UTP20: variants seen among roughly 807,000 people sequenced by gnomAD.
The protein encoded by UTP20 is UTP20 small subunit processome component, also known as small subunit processome component 20 homolog.
UTP20 carries 164 observed loss-of-function variants against 329.5 expected under a neutral mutation model. The observed-to-expected ratio is 0.50, with a 90% CI of 0.44 to 0.57. The LOEUF (loss-of-function observed/expected upper bound fraction) is 0.57, where lower values mean the gene tolerates loss of function less well. UTP20 is among the 20% of genes least tolerant of loss of function. The probability of loss-of-function intolerance (pLI) is 0.00; values close to 1 mark genes in which losing one functional copy is unlikely to be tolerated. For synonymous variants in UTP20, 1,151 were observed against 1,159.3 expected (o/e 0.99, Z 0.14); for missense variants, 3,055 against 3,284.2 (o/e 0.93, Z 1.71).
At chr12:101,340,733 C>T (rs1472389738) in intron 32 of UTP20, 123 bp downstream of exon 32, 3 of 640,952 alleles carry the variant, frequency 4.7e-6, no homozygotes, top group East Asian at 6.0e-5. Flanking sequence ...ACTTAAAATA[C>T]TTTATATAGA....
At chr12:101,376,451 C>G (rs1336058044) in intron 56 of UTP20, among the ~76,000 whole-genome samples, 2 of 152,068 alleles carry the variant, frequency 1.3e-5, no homozygotes, top group Non-Finnish European at 2.9e-5. Flanking sequence ...CTATTACACC[C>G]CTAGACTATA....
chr12:101,382,952 G>A (rs1033182637), intron 58 of UTP20, 89 bp from the exon 59 acceptor site: 13 of 1,458,670 alleles, frequency 8.9e-6, no homozygotes, highest in Non-Finnish European at 1.2e-5. Context: ...TCTAATTGTA[G>A]AATACCTATT....
Position 101,386,099 on chromosome 12 carries a change from G to A in UTP20, c.8334G>A (p.Leu2778=), listed in dbSNP as rs149045326. The change falls in exon 62 of 62, where the codon CTG becomes CTA. Residue 2778 remains leucine, a synonymous_variant. Coordinates refer to ENST00000261637, the MANE Select transcript of UTP20 (RefSeq NM_014503.3). ...CCAAGAGACAAAAAAGCCATAGCCT[G>A]AAAGATTTAGCAATGGTGGAGTAAT... ...YKAKRQKSHS[L]KDLAMVE 8 of 1,606,646 alleles carry A rather than the reference G, an allele frequency of 5.0e-6. No homozygotes were observed. In the African/African-American group the frequency reaches 9.4e-5, roughly 19 times the overall value.
In UTP20 at chr12:101,355,066, G is replaced by A. The variant is rs781431203; in HGVS notation, c.5342G>A (p.Gly1781Glu). The change falls in exon 41 of 62, where the codon GGA (glycine) becomes GAA (glutamate). Residue 1781 changes from glycine (G) to glutamate (E), a missense_variant. Physicochemically the swap from Gly to Glu is moderately conservative, Grantham distance 98. This residue lies in a region of UTP20 where 2,445 missense variants were observed against 2,575.5 expected (regional missense o/e 0.95). Coordinates refer to ENST00000261637, the MANE Select transcript of UTP20 (RefSeq NM_014503.3). ...GAGAGAACAATTAAAAATATCCAAGGAACCATAACCGGGGATATTCTCCCC... is the reference window on the plus strand; with the variant it reads ...GAGAGAACAATTAAAAATATCCAAGAAACCATAACCGGGGATATTCTCCCC... ...EIERTIKNIQ[G>E]TITGDILPRL... The A allele has an allele frequency of 6.2e-7, 1 of 1,613,908 alleles. No homozygotes were observed. Among genetic ancestry groups the A allele is most frequent in the Non-Finnish European group, 8.5e-7 (1 of 1,180,020 alleles).
At position 101,365,561 on chromosome 12, in the gene UTP20, T is replaced by C. The variant is rs1257644076; in HGVS notation, c.6061T>C (p.Ser2021Pro). 1 of 1,612,982 alleles carries C rather than the reference T, an allele frequency of 6.2e-7. No individual in the cohort carries two copies. The highest frequency in any genetic ancestry group is 1.3e-5 in the African/African-American group (1 of 74,846). The stretch of plus-strand genomic sequence containing the variant: ...TGTAAATCAGGAAATGACAGCTGAA[T>C]CCATTCTATTACTCAGTTATGGTTT... ...LIVNQEMTAE[S>P]ILLLSYGLIS... The change falls in exon 46 of 62, where the codon TCC becomes CCC. Residue 2021 changes from serine to proline, a missense_variant. Ser to Pro is a moderately conservative substitution (Grantham distance 74, BLOSUM62 -1). Around this residue, in one of 3 missense-constraint regions of UTP20, gnomAD observed 2,445 missense variants for 2,575.5 expected, o/e 0.95. Transcript: ENST00000261637.
At chr12:101,337,976 A>C in intron 29 of UTP20, 75 bp from the exon 30 acceptor site, 1 of 1,351,164 alleles carries the variant, frequency 7.4e-7, no homozygotes, top group Non-Finnish European at 1.0e-6. Context: ...ACTCATGGTG[A>C]AAATTCATAT....
At chr12:101,340,315 C>A (rs1346523794) in intron 31 of UTP20, among the ~76,000 whole-genome samples, 1 of 152,150 alleles carries the variant, frequency 6.6e-6, no homozygotes, top group Non-Finnish European at 1.5e-5. Context: ...AGAATAGTGG[C>A]CATGAGCTTG....
chr12:101,380,472 C>T (rs1206343854), intron 57 of UTP20, among the ~76,000 whole-genome samples: 2 of 152,094 alleles, frequency 1.3e-5, no homozygotes, highest in Non-Finnish European at 2.9e-5. Flanking sequence ...ATGTCTCACT[C>T]ATAGTGGAAC....
At chr12:101,312,629 G>A (rs1872832193) in intron 21 of UTP20, among the ~76,000 whole-genome samples, 1 of 152,102 alleles carries the variant, frequency 6.6e-6, no homozygotes. Flanking sequence ...TAGTACAGAC[G>A]GGGTTTCTCC....
chr12:101,298,298 C>T (rs1419316463), intron 12 of UTP20, among the ~76,000 whole-genome samples: 5 of 151,992 alleles, frequency 3.3e-5, no homozygotes, highest in Non-Finnish European at 5.9e-5. Context: ...GAAGACAAAG[C>T]AGTGTTGAGA....
chr12:101,378,761 C>T (rs1466602339), intron 56 of UTP20, among the ~76,000 whole-genome samples: 1 of 151,878 alleles, frequency 6.6e-6, no homozygotes, highest in Non-Finnish European at 1.5e-5. Flanking sequence ...GTTAATGTCA[C>T]CTTATCTCCC....
In UTP20 at chr12:101,344,750, G is replaced by A; in HGVS notation, c.4605G>A (p.Glu1535=). 1.2e-6 allele frequency: 2 copies of A among 1,612,662 alleles called. No homozygotes were observed. The highest frequency in any genetic ancestry group is 1.3e-5 in the African/African-American group (1 of 74,886). The change falls in exon 36 of 62, where the codon GAG becomes GAA. Residue 1535 remains glutamate, a splice_region_variant and synonymous_variant. Transcript: ENST00000261637. ...GAAAAGGTCTGAAGAGCCAGACAGAGGTATATAACTTTGTGTTTTAGGCAC... is the reference window on the plus strand; with the variant it reads ...GAAAAGGTCTGAAGAGCCAGACAGAAGTATATAACTTTGTGTTTTAGGCAC... ...KLRKGLKSQT[E]SIQQDYTTIL...
At chr12:101,305,825 C>A in intron 15 of UTP20, 90 bp from the exon 16 acceptor site, 1 of 1,338,216 alleles carries the variant, frequency 7.5e-7, no homozygotes, top group African/African-American at 1.5e-5. Flanking sequence ...ACATTTTCTT[C>A]ATCAGTGATC....
chr12:101,317,726 C>T (rs1485893562), intron 22 of UTP20, 63 bp downstream of exon 22: 2 of 1,473,490 alleles, frequency 1.4e-6, no homozygotes, highest in African/African-American at 1.4e-5. Flanking sequence ...GAAGAGGTCT[C>T]TTACGGCTTT....
chr12:101,292,393 T>C (rs946845728), intron 10 of UTP20, among the ~76,000 whole-genome samples: 3 of 152,236 alleles, frequency 2.0e-5, no homozygotes, highest in Non-Finnish European at 4.4e-5. Flanking sequence ...GCTTACTGTG[T>C]GCTGGGTATG....
chr12:101,344,633 C>T lies in UTP20; in HGVS notation c.4488C>T (p.Cys1496=), dbSNP rs750381917. 8.1e-7 allele frequency: 1 copy of T among 1,229,614 alleles called. No homozygotes were observed. 76.2% of individuals were successfully genotyped at this position (1,229,614 alleles called of 1,614,324 possible). Reference sequence around the variant, plus strand: ...GTTTAAGTGATAATGCCAGCATGTGCCTGATGAGTATCATCAAAAAGCTAG... The same window carrying T: ...GTTTAAGTGATAATGCCAGCATGTGTCTGATGAGTATCATCAAAAAGCTAG... ...DMSLSDNASM[C]LMSIIKKLAA... Residue 1496 remains cysteine (C), a synonymous_variant, in exon 36 of 62, where the codon TGC becomes TGT. Transcript: ENST00000261637.
rs1872798947 is a variant in UTP20, at chr12:101,311,753, T to C, written c.2266T>C (p.Trp756Arg). The change falls in exon 20 of 62, where the codon TGG (tryptophan) becomes CGG (arginine). Residue 756 changes from tryptophan (W) to arginine (R), a missense_variant. Trp to Arg is a moderately radical substitution (Grantham distance 101). Transcript: ENST00000261637. Reference protein sequence around the residue: ...HAHEMENKQFWKVYYEHLEKA... With the variant: ...HAHEMENKQFRKVYYEHLEKA... ...ACACGAAATGGAAAATAAGCAATTT[T>C]GGAAAGTCTACTATGAGCATCTAGA... The C allele has an allele frequency of 6.2e-7, 1 of 1,613,590 alleles. No individual in the cohort carries two copies. Among genetic ancestry groups the C allele is most frequent in the Non-Finnish European group, 8.5e-7 (1 of 1,179,902 alleles).
At chr12:101,379,161 A>G (rs1870566458) in intron 56 of UTP20, among the ~76,000 whole-genome samples, 1 of 152,196 alleles carries the variant, frequency 6.6e-6, no homozygotes, top group South Asian at 2.1e-4. Context: ...GTCCAACACT[A>G]AACTTATTCC....
Position 101,353,143 on chromosome 12 carries a change from A to G in UTP20, c.5107+14A>G, listed in dbSNP as rs781265003. ...AGAATGAAGAAAGTAAGTTTCTTAA[A>G]CTTTCTTAAACAAGATTTTCATCTT... On this transcript the variant is annotated intron_variant, in intron 40 of 61. Transcript: ENST00000261637. 6 of 1,530,828 alleles carry G rather than the reference A, an allele frequency of 3.9e-6. No individual in the cohort carries two copies. Among genetic ancestry groups the G allele is most frequent in the Admixed American group, 1.7e-5 (1 of 58,458 alleles). The allele number at this position is 1,530,828 out of a possible 1,614,324, so 94.8% of individuals were successfully genotyped here. A position where few individuals can be genotyped will look rare whatever the true frequency, so the allele number is the denominator to read the frequency against.
Sources: allele counts gnomAD v4.1 joint callset (sites outside exome capture counted in the v4.1 genomes callset), GRCh38; gene constraint gnomAD v4.1.1; regional missense constraint gnomAD v4.1.1; transcripts MANE v1.5; gene names NCBI Gene and HGNC (gene_info 2026-07-23, HGNC 2026-07-21).